The following ASTN1 variants were observed in gnomAD, a reference collection of about 807,000 sequenced individuals.
The protein encoded by ASTN1 is astrotactin 1.
Under a neutral mutation model 140.7 loss-of-function variants are expected in ASTN1, and 41 were observed. The ratio of observed to expected loss-of-function variants is 0.29; its 90% CI spans 0.23 to 0.38. ASTN1 has a LOEUF of 0.38. ASTN1 is among the 10% of genes least tolerant of loss of function. The pLI is 1.00. For missense variants in ASTN1, 1,479 were observed against 1,678.8 expected, an observed-to-expected ratio of 0.88 and a Z score of 2.08; for synonymous variants, 640 against 652.2, an observed-to-expected ratio of 0.98 and a Z score of 0.29.
intron 7 of ASTN1, among the ~76,000 whole-genome samples, chr1:177,017,421 G>A (rs550913607): frequency 6.6e-6 from 1 of 152,208 alleles, no homozygotes; most frequent in African/African-American, 2.4e-5. Flanking sequence ...CATCTCCAAC[G>A]AAAGGATTTC....
At chr1:176,964,253 C>T (rs1318102359) in intron 9 of ASTN1, among the ~76,000 whole-genome samples, 5 of 152,280 alleles carry the variant, frequency 3.3e-5, no homozygotes, top group Non-Finnish European at 5.9e-5. Flanking sequence ...ATTTGTCCTA[C>T]GCTGCTCACC....
intron 1 of ASTN1, among the ~76,000 whole-genome samples, chr1:177,076,878 G>C (rs1678939484): frequency 6.6e-6 from 1 of 152,134 alleles, no homozygotes; most frequent in Non-Finnish European, 1.5e-5. Flanking sequence ...GGGACTTTGA[G>C]AAGTAGCTCA....
chr1:177,096,459 T>C (rs577219100), intron 1 of ASTN1, among the ~76,000 whole-genome samples: 1 of 152,218 alleles, frequency 6.6e-6, no homozygotes, highest in African/African-American at 2.4e-5. Context: ...TGGAAGATGA[T>C]TAGGTCATGA....
In ASTN1 at chr1:176,906,785, C is replaced by T. The variant is rs531935588; in HGVS notation, c.2672-11955G>A. On this transcript the variant is annotated intron_variant, in intron 16 of 22. Transcript: ENST00000361833. Reference sequence around the variant, plus strand: ...AGGAGAGTCACTTGAACCTGAGAGGCGGAGGTTGCAGTTGTGCCACTACGC... The same window carrying T: ...AGGAGAGTCACTTGAACCTGAGAGGTGGAGGTTGCAGTTGTGCCACTACGC... Among the ~76,000 whole-genome samples the T allele has an allele frequency of 3.9e-3, 562 of 145,290 alleles. 2 individuals are homozygous for T. Among genetic ancestry groups the T allele is most frequent in the Non-Finnish European group, 6.3e-3 (426 of 67,174 alleles).
In ASTN1 at chr1:177,160,938, T is replaced by C. The variant is rs570343973; in HGVS notation, c.283+3456A>G. Among the ~76,000 whole-genome samples the C allele has an allele frequency of 2.0e-5, 3 of 152,318 alleles. No individual in the cohort carries two copies. In the South Asian group the frequency reaches 6.2e-4, roughly 32 times the overall value. ...TTAGGCACAGAACCATCAGTATCTGTGAGAAGTATAGCAATCTAGACCTAA... is the reference window on the plus strand; with the variant it reads ...TTAGGCACAGAACCATCAGTATCTGCGAGAAGTATAGCAATCTAGACCTAA... On this transcript the variant is annotated intron_variant, in intron 1 of 22. Coordinates refer to ENST00000361833, the MANE Select transcript of ASTN1 (RefSeq NM_004319.3).
intron 8 of ASTN1, among the ~76,000 whole-genome samples, chr1:176,966,177 C>A (rs1160886551): frequency 1.3e-5 from 2 of 152,176 alleles, no homozygotes; most frequent in African/African-American, 2.4e-5. Context: ...TTACTGTAGA[C>A]ATTCCTTTTG....
At chr1:177,139,905 C>A (rs967810480) in intron 1 of ASTN1, among the ~76,000 whole-genome samples, 1 of 152,056 alleles carries the variant, frequency 6.6e-6, no homozygotes, top group African/African-American at 2.4e-5. Context: ...AAATCAATCA[C>A]TGTAAGAAAT....
At chr1:177,084,368 C>T (rs150416498) in intron 1 of ASTN1, among the ~76,000 whole-genome samples, 1,737 of 152,312 alleles carry the variant, frequency 0.011, 17 homozygotes, top group Middle Eastern at 0.041. Flanking sequence ...GGTTTATGTA[C>T]CTTCCCAATC....
chr1:177,097,551 G>A (rs980488379), intron 1 of ASTN1, among the ~76,000 whole-genome samples: 12 of 152,042 alleles, frequency 7.9e-5, no homozygotes, highest in Non-Finnish European at 1.2e-4. Flanking sequence ...TATATCTTTC[G>A]TCTTTATCTC....
chr1:177,081,262 G>C (rs1018229034), intron 1 of ASTN1, among the ~76,000 whole-genome samples: 15 of 152,128 alleles, frequency 9.9e-5, no homozygotes, highest in Middle Eastern at 3.4e-3. Flanking sequence ...CTTTTATTTG[G>C]TTATTCATTC....
intron 2 of ASTN1, among the ~76,000 whole-genome samples, chr1:177,045,430 G>A (rs1021346139): frequency 2.0e-5 from 3 of 152,168 alleles, no homozygotes; most frequent in African/African-American, 7.2e-5. Flanking sequence ...CACACTATTG[G>A]TCAGTTCAGA....
intron 8 of ASTN1, 116 bp downstream of exon 8, chr1:177,014,675 G>C: frequency 2.2e-6 from 2 of 891,532 alleles, no homozygotes; most frequent in Middle Eastern, 2.5e-4. Flanking sequence ...CCCATTTGCT[G>C]TTCAGAATAT....
chr1:176,986,197 G>C (rs1673897641), intron 8 of ASTN1, among the ~76,000 whole-genome samples: 2 of 152,138 alleles, frequency 1.3e-5, no homozygotes, highest in Non-Finnish European at 2.9e-5. Flanking sequence ...AGAAAAACCA[G>C]GAAGATGACA....
rs574703526 is a variant in ASTN1 at position 176,988,406 on chromosome 1, AGGT to A, written c.1524-23172_1524-23170del. Among the ~76,000 whole-genome samples the A allele has an allele frequency of 1.2e-3, 187 of 152,238 alleles. 2 individuals are homozygous for A. The highest frequency in any genetic ancestry group is 4.3e-3 in the African/African-American group (179 of 41,562). On this transcript the variant is annotated intron_variant, in intron 8 of 22. Transcript: ENST00000361833. ...TTATTATGAGAAAAGCTGAAGGCCA[AGGT>A]CTCACTTTGGGTTATTTGCAAATTA...
chr1:176,977,056 G>A (rs1673397931), intron 8 of ASTN1, among the ~76,000 whole-genome samples: 1 of 152,224 alleles, frequency 6.6e-6, no homozygotes, highest in African/African-American at 2.4e-5. Flanking sequence ...TAGCACAAGA[G>A]ACAGTGAATA....
chr1:176,979,361 G>A (rs1673508157), intron 8 of ASTN1, among the ~76,000 whole-genome samples: 1 of 152,052 alleles, frequency 6.6e-6, no homozygotes, highest in South Asian at 2.1e-4. Context: ...TCCCATTCCA[G>A]GGCCATCCAG....
At chr1:177,034,102 A>G (rs742123) in intron 2 of ASTN1, among the ~76,000 whole-genome samples, 79,337 of 151,916 alleles carry the variant, frequency 0.52, 21,534 homozygotes, top group Non-Finnish European at 0.6. Flanking sequence ...ACCCACATAA[A>G]GCTAGGTCAA....
intron 12 of ASTN1, among the ~76,000 whole-genome samples, chr1:176,948,905 A>T (rs1672067487): frequency 6.6e-6 from 1 of 152,256 alleles, no homozygotes; most frequent in African/African-American, 2.4e-5. Context: ...TTGGAGAATG[A>T]TTTAAGTAAA....
intron 7 of ASTN1, among the ~76,000 whole-genome samples, chr1:177,018,457 G>A (rs934495424): frequency 6.6e-6 from 1 of 152,212 alleles, no homozygotes; most frequent in Non-Finnish European, 1.5e-5. Flanking sequence ...TGGGAAGTGG[G>A]TCGAATGCCC....
Sources: allele counts gnomAD v4.1 joint callset (sites outside exome capture counted in the v4.1 genomes callset), GRCh38; gene constraint gnomAD v4.1.1; transcripts MANE v1.5; gene names NCBI Gene and HGNC (gene_info 2026-07-23, HGNC 2026-07-21).